IGSF21: variants seen among roughly 807,000 people sequenced by gnomAD.
IGSF21 encodes immunoglobin superfamily member 21.
A neutral mutation model predicts 46.8 loss-of-function variants in IGSF21; 28 were observed. The observed-to-expected ratio is 0.60, with a 90% CI of 0.44 to 0.82. The LOEUF is 0.82. Among genes scored for constraint, IGSF21 ranks in the 40% least tolerant of loss-of-function variants. The pLI, the probability that IGSF21 is intolerant of heterozygous loss-of-function variation, is 0.00. For synonymous variants in IGSF21, 284 were observed against 273.6 expected (o/e 1.04, Z -0.38); for missense variants, 624 against 665.5 (o/e 0.94, Z 0.69).
At chr1:18,278,849 C>G in intron 2 of IGSF21, 1 of 471,496 alleles carries the variant, frequency 2.1e-6, no homozygotes, top group Non-Finnish European at 4.4e-6. Context: ...AGCCACTGCA[C>G]CCAGCCCATG....
At chr1:18,352,762 T>G (rs1390266319) in intron 4 of IGSF21, among the ~76,000 whole-genome samples, 2 of 152,152 alleles carry the variant, frequency 1.3e-5, no homozygotes, top group Admixed American at 6.5e-5. Context: ...GGCTGTTAAT[T>G]TTATCTTCTA....
chr1:18,220,559 A>G (rs1033852195), intron 1 of IGSF21, among the ~76,000 whole-genome samples: 1 of 152,042 alleles, frequency 6.6e-6, no homozygotes, highest in African/African-American at 2.4e-5. Flanking sequence ...GCACCTGGGG[A>G]CCATAGCAAA....
chr1:18,124,281 C>T (rs1324260627), intron 1 of IGSF21, among the ~76,000 whole-genome samples: 1 of 152,184 alleles, frequency 6.6e-6, no homozygotes, highest in African/African-American at 2.4e-5. Context: ...CTTGCTGTAC[C>T]CCAAGCACTG....
intron 3 of IGSF21, among the ~76,000 whole-genome samples, chr1:18,320,238 G>A (rs890561830): frequency 6.6e-6 from 1 of 152,186 alleles, no homozygotes; most frequent in African/African-American, 2.4e-5. Context: ...TGACAAAGGG[G>A]CTGATAGGAG....
chr1:18,367,220 T>C (rs914030433), intron 6 of IGSF21, among the ~76,000 whole-genome samples: 1 of 152,186 alleles, frequency 6.6e-6, no homozygotes, highest in African/African-American at 2.4e-5. Context: ...AGAGAGCTTC[T>C]GTTTCATCTG....
At chr1:18,231,922 C>CAT (rs1553156168) in intron 2 of IGSF21, among the ~76,000 whole-genome samples, 2 of 136,438 alleles carry the variant, frequency 1.5e-5, no homozygotes, top group Non-Finnish European at 3.2e-5. Context: ...ATCATTAGAT[C>CAT]GTGTGTGTGT....
intron 3 of IGSF21, among the ~76,000 whole-genome samples, chr1:18,297,881 C>G (rs540791292): frequency 2.0e-5 from 3 of 152,006 alleles, no homozygotes; most frequent in South Asian, 4.2e-4. Flanking sequence ...ACCCATGGAT[C>G]CGGAAGGCCA....
chr1:18,131,462 T>C (rs2086321259), intron 1 of IGSF21, among the ~76,000 whole-genome samples: 1 of 152,246 alleles, frequency 6.6e-6, no homozygotes, highest in Non-Finnish European at 1.5e-5. Context: ...ACATCTCTGA[T>C]GTTATGACAA....
chr1:18,292,033 G>T (rs762267214), intron 3 of IGSF21, 46 bp downstream of exon 3: 12 of 1,593,552 alleles, frequency 7.5e-6, no homozygotes, highest in Non-Finnish European at 2.6e-6. Flanking sequence ...AAGGGCGGAG[G>T]GATGGGGAGT....
chr1:18,321,408 C>T (rs1301819095), intron 3 of IGSF21, among the ~76,000 whole-genome samples: 3 of 152,238 alleles, frequency 2.0e-5, no homozygotes, highest in African/African-American at 4.8e-5. Context: ...TCTCTGTGTG[C>T]TACACCCACC....
intron 4 of IGSF21, among the ~76,000 whole-genome samples, chr1:18,354,379 G>T (rs1479134265): frequency 1.3e-5 from 2 of 151,978 alleles, no homozygotes; most frequent in Non-Finnish European, 2.9e-5. Flanking sequence ...GGAGATGATG[G>T]GGAAGAAACT....
At chr1:18,287,082 G>A (rs1183699313) in intron 2 of IGSF21, among the ~76,000 whole-genome samples, 1 of 151,058 alleles carries the variant, frequency 6.6e-6, no homozygotes, top group Non-Finnish European at 1.5e-5. Context: ...TTGGGAGGCT[G>A]AGGCAGGAGA....
chr1:18,139,780 G>A (rs1008774977), intron 1 of IGSF21, among the ~76,000 whole-genome samples: 4 of 151,970 alleles, frequency 2.6e-5, no homozygotes, highest in African/African-American at 4.8e-5. Context: ...CTCTCCACCC[G>A]CCAAAGTCTG....
intron 1 of IGSF21, among the ~76,000 whole-genome samples, chr1:18,188,669 G>A (rs545474030): frequency 3.7e-4 from 56 of 152,284 alleles, no homozygotes; most frequent in Admixed American, 3.1e-3. Context: ...GAGGCTCCCT[G>A]TGTACCCAGA....
At chr1:18,268,051 C>T (rs546894140) in intron 2 of IGSF21, among the ~76,000 whole-genome samples, 10 of 152,322 alleles carry the variant, frequency 6.6e-5, no homozygotes, top group Admixed American at 3.3e-4. Context: ...TGCTGTGTCC[C>T]CAGTGCCCAG....
At chr1:18,277,955 C>T (rs1313617398) in intron 2 of IGSF21, among the ~76,000 whole-genome samples, 2 of 152,148 alleles carry the variant, frequency 1.3e-5, no homozygotes, top group Admixed American at 1.3e-4. Flanking sequence ...CTGGTGCACG[C>T]ATTTGCCAAA....
rs574054731 is a variant in IGSF21, at chr1:18,275,473, C to G, written c.184-16393C>G. Among the ~76,000 whole-genome samples, 6 of 152,274 alleles carry G rather than the reference C, an allele frequency of 3.9e-5. No individual in the cohort carries two copies. In the South Asian group the frequency reaches 1.2e-3, roughly 32 times the overall value. ...CAGCTGCCTCTCCCACCGGGAGTGT[C>G]TTGGTGATCAGACATGCAGCAGCCA... On this transcript the variant is annotated intron_variant, in intron 2 of 9. Transcript: ENST00000251296.
At chr1:18,292,027 G>A in intron 3 of IGSF21, 40 bp downstream of exon 3, 1 of 1,600,650 alleles carries the variant, frequency 6.2e-7, no homozygotes, top group Non-Finnish European at 8.5e-7. Flanking sequence ...CGGGGGAAGG[G>A]CGGAGGGATG....
At chr1:18,252,569 G>A (rs544053393) in intron 2 of IGSF21, among the ~76,000 whole-genome samples, 59 of 152,150 alleles carry the variant, frequency 3.9e-4, no homozygotes, top group Admixed American at 2.2e-3. Context: ...AGTGATTTCC[G>A]GATTTCTTCT....
Sources: gnomAD v4.1 joint callset for allele counts (sites outside exome capture counted in the v4.1 genomes callset) on GRCh38, gnomAD v4.1.1 for gene constraint, MANE v1.5 for transcripts, NCBI Gene and HGNC (gene_info 2026-07-23, HGNC 2026-07-21) for gene names.